Variants in PTPDC1 observed in about 807,000 individuals in gnomAD.
The protein encoded by PTPDC1 is protein tyrosine phosphatase domain containing 1.
In PTPDC1, 53 loss-of-function variants were observed where a neutral mutation model predicts 75.3. That is an observed-to-expected ratio of 0.70 (90% CI 0.56 to 0.88). The LOEUF is 0.88. Ranked by LOEUF, PTPDC1 falls within the 40% of genes least tolerant of loss-of-function variation. The probability of loss-of-function intolerance (pLI) is 0.00; values close to 1 mark genes in which losing one functional copy is unlikely to be tolerated. For missense variants in PTPDC1, 925 were observed against 998.6 expected (o/e 0.93, Z 0.99); for synonymous variants, 349 against 366.2 (o/e 0.95, Z 0.54).
In PTPDC1 at chr9:94,097,730, A is replaced by G. The variant is rs1484202831; in HGVS notation, c.1164A>G (p.Lys388=). The part of the protein sequence containing the change: ...MSEMVTMQLD[K]ELLRHDSDVS... The stretch of plus-strand genomic sequence containing the variant: ...AGATGGTCACCATGCAGCTGGATAA[A>G]GAGTTACTGAGGCATGACAGTGATG... Residue 388 remains lysine (K), a synonymous_variant, in exon 6 of 9, where the codon AAA becomes AAG. Coordinates refer to ENST00000620992, the MANE Select transcript of PTPDC1 (RefSeq NM_001253829.2). The G allele has an allele frequency of 1.2e-6, 2 of 1,614,118 alleles. No individual in the cohort carries two copies. Among genetic ancestry groups the G allele is most frequent in the Admixed American group, 3.3e-5 (2 of 60,034 alleles).
chr9:94,061,786 C>A (rs190522754), intron 1 of PTPDC1, among the ~76,000 whole-genome samples: 195 of 152,368 alleles, frequency 1.3e-3, no homozygotes, highest in South Asian at 2.5e-3. Context: ...CTGGGCATAG[C>A]CCACAGAACC....
intron 2 of PTPDC1, 88 bp downstream of exon 2, chr9:94,085,510 C>A: frequency 7.1e-7 from 1 of 1,410,596 alleles, no homozygotes; most frequent in South Asian, 1.3e-5. Flanking sequence ...GTGGGAGGAG[C>A]AGTGTGGGAC....
intron 8 of PTPDC1, 138 bp downstream of exon 8, chr9:94,104,523 A>G (rs765059465): frequency 5.0e-5 from 29 of 581,256 alleles, no homozygotes; most frequent in Non-Finnish European, 7.8e-5. Context: ...TCTGTTTGAC[A>G]TTTCTTCTAA....
intron 2 of PTPDC1, among the ~76,000 whole-genome samples, chr9:94,070,031 G>C (rs1403158374): frequency 6.6e-6 from 1 of 150,644 alleles, no homozygotes; most frequent in Non-Finnish European, 1.5e-5. Context: ...TCACCGGTTA[G>C]CCAGGATGGT....
At chr9:94,079,050 A>G (rs1826790265) in intron 2 of PTPDC1, among the ~76,000 whole-genome samples, 1 of 152,082 alleles carries the variant, frequency 6.6e-6, no homozygotes, top group African/African-American at 2.4e-5. Flanking sequence ...CTTTCTTTCC[A>G]TGTCTCATAC....
At chr9:94,048,823 T>G (rs2118443468) in intron 1 of PTPDC1, among the ~76,000 whole-genome samples, 1 of 152,282 alleles carries the variant, frequency 6.6e-6, no homozygotes, top group Non-Finnish European at 1.5e-5. Context: ...TCTCCCATTA[T>G]TATTGTGTGG....
Position 94,076,671 on chromosome 9 carries a change from T to C in PTPDC1, c.83-8580T>C, listed in dbSNP as rs138743521. On this transcript the variant is annotated intron_variant, in intron 2 of 9. Coordinates refer to the PTPDC1 transcript ENST00000375360. ...AAACCTGAGTTTTTGTGTGGACATA[T>C]GTTTTCATTTTTCTTGGGTATTTAC... 1.7e-3 allele frequency among the ~76,000 whole-genome samples: 258 copies of C among 152,320 alleles called. 12 individuals are homozygous for C. Among genetic ancestry groups the C allele is most frequent in the Non-Finnish European group, 1.3e-3 (88 of 68,028 alleles).
At chr9:94,054,106 C>T (rs1825863565) in intron 1 of PTPDC1, among the ~76,000 whole-genome samples, 1 of 152,192 alleles carries the variant, frequency 6.6e-6, no homozygotes, top group African/African-American at 2.4e-5. Context: ...AATCTATTCC[C>T]TCATGGAGCT....
intron 1 of PTPDC1, among the ~76,000 whole-genome samples, chr9:94,045,055 C>A (rs1327697003): frequency 7.2e-6 from 1 of 138,078 alleles, no homozygotes; most frequent in African/African-American, 2.7e-5. Context: ...CATGTGTTCT[C>A]ATTGTTCAAT....
chr9:94,057,031 A>G (rs967908489), intron 1 of PTPDC1, among the ~76,000 whole-genome samples: 1 of 152,190 alleles, frequency 6.6e-6, no homozygotes, highest in African/African-American at 2.4e-5. Context: ...GGCATATGAT[A>G]TAAGTTCAGT....
At position 94,101,729 on chromosome 9, in the gene PTPDC1, A is replaced by G; in HGVS notation, c.2177A>G (p.Glu726Gly). ...GTTGACAGGCGAGCAGATGCCGCAG[A>G]AGCACTTTTTTTATTAGAGAAGGTA... ...MLVDRRADAA[E>G]ALFLLEKGQH... The change falls in exon 7 of 9, where the codon GAA becomes GGA. Residue 726 changes from glutamate (E) to glycine (G), a missense_variant. Physicochemically the swap from Glu to Gly is moderately conservative, Grantham distance 98. Coordinates refer to ENST00000620992, the MANE Select transcript of PTPDC1 (RefSeq NM_001253829.2). The G allele has an allele frequency of 6.2e-7, 1 of 1,611,294 alleles. No homozygotes were observed. The highest frequency in any genetic ancestry group is 1.1e-5 in the South Asian group (1 of 90,686).
intron 1 of PTPDC1, among the ~76,000 whole-genome samples, chr9:94,060,425 AAGT>A (rs1292387627): frequency 6.6e-6 from 1 of 152,240 alleles, no homozygotes; most frequent in African/African-American, 2.4e-5. Context: ...TAAGTCTTTA[AAGT>A]AGTCCATAAT....
intron 4 of PTPDC1, among the ~76,000 whole-genome samples, chr9:94,094,926 C>T (rs1011486864): frequency 2.6e-5 from 4 of 152,256 alleles, no homozygotes; most frequent in African/African-American, 7.2e-5. Flanking sequence ...GTGCCTCGCC[C>T]TGCTTCGGCT....
At chr9:94,053,783 G>A (rs1163559897) in intron 1 of PTPDC1, among the ~76,000 whole-genome samples, 1 of 152,232 alleles carries the variant, frequency 6.6e-6, no homozygotes, top group African/African-American at 2.4e-5. Context: ...CAGGAAGTTA[G>A]AGATATAAAT....
intron 1 of PTPDC1, among the ~76,000 whole-genome samples, chr9:94,054,674 C>T (rs1358498981): frequency 6.8e-6 from 1 of 146,282 alleles, no homozygotes; most frequent in Admixed American, 6.8e-5. Flanking sequence ...TTTATGTGAG[C>T]CCATTGATTT....
chr9:94,102,746 T>C (rs1827886871), intron 7 of PTPDC1, among the ~76,000 whole-genome samples: 1 of 152,100 alleles, frequency 6.6e-6, no homozygotes, highest in Admixed American at 6.6e-5. Context: ...GCCCGGCTAA[T>C]TTTGTAATTT....
At chr9:94,058,265 G>A (rs558385911) in intron 1 of PTPDC1, among the ~76,000 whole-genome samples, 12 of 152,144 alleles carry the variant, frequency 7.9e-5, no homozygotes, top group East Asian at 1.9e-4. Flanking sequence ...GTTGAGTACC[G>A]ATCTGCACAA....
At chr9:94,060,298 A>G (rs1285664159) in intron 1 of PTPDC1, among the ~76,000 whole-genome samples, 1 of 152,226 alleles carries the variant, frequency 6.6e-6, no homozygotes, top group Admixed American at 6.5e-5. Context: ...TAATGATGTC[A>G]CTGTTACTGT....
chr9:94,099,603 G>A (rs564710449), intron 6 of PTPDC1, among the ~76,000 whole-genome samples: 2 of 152,288 alleles, frequency 1.3e-5, no homozygotes, highest in East Asian at 1.9e-4. Context: ...ATTGTGTTTC[G>A]CCTATCCAAT....
Sources: allele counts gnomAD v4.1 joint callset (sites outside exome capture counted in the v4.1 genomes callset), GRCh38; gene constraint gnomAD v4.1.1; transcripts MANE v1.5; gene names NCBI Gene and HGNC (gene_info 2026-07-23, HGNC 2026-07-21).